The following GPR176 variants were observed in gnomAD, a reference collection of about 807,000 sequenced individuals.
The protein encoded by GPR176 is G protein-coupled receptor 176.
A neutral mutation model predicts 35.4 loss-of-function variants in GPR176; 26 were observed. That is an observed-to-expected ratio of 0.74 (90% CI 0.54 to 1.02). GPR176 has a LOEUF of 1.02. GPR176 is among the 50% of genes least tolerant of loss of function. The pLI is 0.00. For synonymous variants in GPR176, 278 were observed against 271.3 expected, an observed-to-expected ratio of 1.02 and a Z score of -0.24; for missense variants, 597 against 665.3, an observed-to-expected ratio of 0.90 and a Z score of 1.13.
chr15:39,858,481 C>A (rs1443977939), intron 1 of GPR176, among the ~76,000 whole-genome samples: 2 of 151,944 alleles, frequency 1.3e-5, no homozygotes, highest in African/African-American at 4.8e-5. Context: ...TTTGGGAGGC[C>A]AAGGAGGGAG....
intron 1 of GPR176, among the ~76,000 whole-genome samples, chr15:39,902,958 G>C (rs548070436): frequency 1.3e-5 from 2 of 152,170 alleles, no homozygotes; most frequent in African/African-American, 4.8e-5. Flanking sequence ...CAACCTATGA[G>C]AGTTCCACTT....
chr15:39,873,768 C>T (rs1006381107), intron 1 of GPR176, among the ~76,000 whole-genome samples: 2 of 152,026 alleles, frequency 1.3e-5, no homozygotes, highest in South Asian at 2.1e-4. Flanking sequence ...CCAGCCCCCA[C>T]GATTGTCAAC....
intron 1 of GPR176, among the ~76,000 whole-genome samples, chr15:39,845,691 T>C (rs1355129959): frequency 6.6e-6 from 1 of 151,914 alleles, no homozygotes; most frequent in East Asian, 1.9e-4. Context: ...TGAGGAGATA[T>C]TTGAATTGAG....
chr15:39,874,300 A>G (rs1432634802), intron 1 of GPR176, among the ~76,000 whole-genome samples: 2 of 152,222 alleles, frequency 1.3e-5, no homozygotes, highest in African/African-American at 4.8e-5. Context: ...ATGCTTACCA[A>G]TGACATCTCA....
Position 39,894,183 on chromosome 15 carries a change from G to T in GPR176, c.172+25672C>A, listed in dbSNP as rs1479489361. 2.4e-5 allele frequency among the ~76,000 whole-genome samples: 3 copies of T among 124,372 alleles called. No homozygotes were observed. In the East Asian group the frequency reaches 7.4e-4, roughly 31 times the overall value. The allele number at this position is 124,372 out of a possible 152,430, so 81.6% of individuals were successfully genotyped here. On this transcript the variant is annotated intron_variant, in intron 1 of 2. Coordinates refer to ENST00000561100, the MANE Select transcript of GPR176 (RefSeq NM_007223.3). ...ATGGGGCGGCTGGCCTGGCAGAGGGGCTCCTCACTTCCCAGTAGGGGTGGC... is the reference window on the plus strand; with the variant it reads ...ATGGGGCGGCTGGCCTGGCAGAGGGTCTCCTCACTTCCCAGTAGGGGTGGC...
chr15:39,857,121 T>C (rs1486784625), intron 1 of GPR176, among the ~76,000 whole-genome samples: 4 of 152,182 alleles, frequency 2.6e-5, no homozygotes, highest in African/African-American at 9.7e-5. Context: ...CATATGCAAG[T>C]AAGCAAAGCC....
At chr15:39,884,799 C>T (rs2032608772) in intron 1 of GPR176, among the ~76,000 whole-genome samples, 1 of 152,176 alleles carries the variant, frequency 6.6e-6, no homozygotes, top group Non-Finnish European at 1.5e-5. Context: ...AACTTCCACT[C>T]ACAACCCGCT....
In GPR176 at chr15:39,890,216, A is replaced by G. The variant is rs549198187; in HGVS notation, c.172+29639T>C. On this transcript the variant is annotated intron_variant, in intron 1 of 2. Coordinates refer to ENST00000561100, the MANE Select transcript of GPR176 (RefSeq NM_007223.3). ...CACACCACTGCCCTTAAGACTTACA[A>G]TGTCTCTTTTCTGTGAACATAAAGG... Among the ~76,000 whole-genome samples the G allele has an allele frequency of 1.6e-3, 240 of 152,264 alleles. 2 individuals carry two copies. Among genetic ancestry groups the G allele is most frequent in the Middle Eastern group, 3.4e-3 (1 of 294 alleles).
At chr15:39,883,790 G>C (rs1000796139) in intron 1 of GPR176, among the ~76,000 whole-genome samples, 4 of 151,848 alleles carry the variant, frequency 2.6e-5, no homozygotes, top group African/African-American at 9.7e-5. Context: ...TAAGCAAATG[G>C]GATCAGCAAT....
intron 1 of GPR176, among the ~76,000 whole-genome samples, chr15:39,812,750 T>C (rs1446576034): frequency 6.6e-6 from 1 of 151,886 alleles, no homozygotes; most frequent in East Asian, 1.9e-4. Flanking sequence ...GCTTTATTTT[T>C]TTTTTTTTTG....
At chr15:39,870,192 C>T (rs1331364694) in intron 1 of GPR176, among the ~76,000 whole-genome samples, 2 of 152,176 alleles carry the variant, frequency 1.3e-5, no homozygotes, top group African/African-American at 4.8e-5. Flanking sequence ...CCCTGTGCCT[C>T]GCTCTCACAA....
intron 1 of GPR176, among the ~76,000 whole-genome samples, chr15:39,848,291 T>A (rs1039674020): frequency 4.6e-5 from 7 of 152,164 alleles, no homozygotes; most frequent in African/African-American, 1.7e-4. Flanking sequence ...CCTAAATGTA[T>A]ATGCATCAAA....
intron 1 of GPR176, among the ~76,000 whole-genome samples, chr15:39,843,862 T>C (rs1477609623): frequency 6.6e-6 from 1 of 152,130 alleles, no homozygotes; most frequent in African/African-American, 2.4e-5. Flanking sequence ...CTCACTTCCC[T>C]CATTTAATTT....
At chr15:39,841,025 C>G (rs905125419) in intron 1 of GPR176, among the ~76,000 whole-genome samples, 1 of 152,120 alleles carries the variant, frequency 6.6e-6, no homozygotes, top group African/African-American at 2.4e-5. Context: ...TTAAAATTAC[C>G]TGTTGTTTCC....
rs184932318 is a variant in GPR176, at chr15:39,831,580, T to C, written c.173-24322A>G. 3.3e-5 allele frequency among the ~76,000 whole-genome samples: 5 copies of C among 152,242 alleles called. No individual in the cohort carries two copies. In the East Asian group the frequency reaches 9.6e-4, roughly 29 times the overall value. On this transcript the variant is annotated intron_variant, in intron 1 of 2. Transcript: ENST00000561100. ...CTTCCACTCAATGGCCCAAACCAGA[T>C]ATCTAGGATTTTCTCAAGCTACTTT...
intron 1 of GPR176, among the ~76,000 whole-genome samples, chr15:39,866,276 T>C (rs2031825676): frequency 6.6e-6 from 1 of 152,174 alleles, no homozygotes; most frequent in Non-Finnish European, 1.5e-5. Flanking sequence ...GCTGGACTTT[T>C]CTAATTATCC....
chr15:39,806,465 G>C (rs1899194244), intron 2 of GPR176, among the ~76,000 whole-genome samples: 1 of 152,138 alleles, frequency 6.6e-6, no homozygotes, highest in Non-Finnish European at 1.5e-5. Flanking sequence ...ACTTCCAAAT[G>C]AACATCTTTT....
Position 39,801,260 on chromosome 15 carries a change from G to T in GPR176, c.1420C>A (p.Arg474=), listed in dbSNP as rs201607298. 4 of 1,614,082 alleles carry T rather than the reference G, an allele frequency of 2.5e-6. No homozygotes were observed. Among genetic ancestry groups the T allele is most frequent in the Admixed American group, 1.7e-5 (1 of 60,026 alleles). ...WLSETRNSKK[R]LLPPLGNTPE... is the part of the protein sequence containing the mutation. ...GTGTTGCCCAAGGGGGGAAGCAGCC[G>T]CTTCTTGCTGTTTCGGGTCTCTGAG... is the stretch of plus-strand genomic sequence containing the variant. Residue 474 remains arginine (R), a synonymous_variant, in exon 3 of 3, where the codon CGG becomes AGG. Coordinates refer to ENST00000561100, the MANE Select transcript of GPR176 (RefSeq NM_007223.3).
chr15:39,840,889 G>A (rs1243191621), intron 1 of GPR176, among the ~76,000 whole-genome samples: 1 of 152,042 alleles, frequency 6.6e-6, no homozygotes, highest in Non-Finnish European at 1.5e-5. Flanking sequence ...ATACATTTTT[G>A]TTGATCTGAA....
Sources: gnomAD v4.1 joint callset for allele counts (sites outside exome capture counted in the v4.1 genomes callset) on GRCh38, gnomAD v4.1.1 for gene constraint, MANE v1.5 for transcripts, NCBI Gene and HGNC (gene_info 2026-07-23, HGNC 2026-07-21) for gene names.